PCDHGA10: variants seen among roughly 807,000 people sequenced by gnomAD.
PCDHGA10 encodes the protein protocadherin gamma subfamily A, 10, also known as protocadherin gamma-A10.
In PCDHGA10, 42 loss-of-function variants were observed where a neutral mutation model predicts 59.5. The ratio of observed to expected loss-of-function variants is 0.71; its 90% CI spans 0.55 to 0.91. The LOEUF is 0.91. Among genes scored for constraint, PCDHGA10 ranks in the 40% least tolerant of loss-of-function variants. The probability of loss-of-function intolerance (pLI) is 0.00; values close to 1 mark genes in which losing one functional copy is unlikely to be tolerated. For synonymous variants in PCDHGA10, 511 were observed against 517.2 expected (o/e 0.99, Z 0.16); for missense variants, 1,111 against 1,198.2 (o/e 0.93, Z 1.07).
chr5:141,453,204 C>T (rs1345502837), intron 1 of PCDHGA10, among the ~76,000 whole-genome samples: 1 of 152,260 alleles, frequency 6.6e-6, no homozygotes, highest in East Asian at 1.9e-4. Flanking sequence ...GCCTCAACCT[C>T]GTGCACTTAA....
In PCDHGA10 at chr5:141,432,782, C is replaced by A. The variant is rs547164205; in HGVS notation, c.2436+17171C>A. 6.2e-7 allele frequency: 1 copy of A among 1,614,164 alleles called. No homozygotes were observed. Among genetic ancestry groups the A allele is most frequent in the African/African-American group, 1.3e-5 (1 of 75,052 alleles). ...CAGCATCCCCCAAGTCCTGGCGGAC[C>A]TCGGCAGCCTCGAGTCTCCAGCTAA... On this transcript the variant is annotated intron_variant, in intron 1 of 3. Coordinates refer to ENST00000398610, the MANE Select transcript of PCDHGA10 (RefSeq NM_018913.3). This position sits in a 1 kb window ranked among gnomAD's most constrained non-coding sequence, Gnocchi z 6.0.
intron 1 of PCDHGA10, among the ~76,000 whole-genome samples, chr5:141,437,913 T>G (rs1232481433): frequency 6.6e-6 from 1 of 152,138 alleles, no homozygotes; most frequent in East Asian, 1.9e-4. Context: ...AATTTTTGTA[T>G]TTTTAGTAGA....
chr5:141,421,833 C>T (rs1364245594), intron 1 of PCDHGA10: 6 of 1,613,756 alleles, frequency 3.7e-6, no homozygotes, highest in Non-Finnish European at 4.2e-6. Flanking sequence ...GAAGCCTGGA[C>T]CGAGAGAAAG....
intron 1 of PCDHGA10, chr5:141,428,680 G>T: frequency 6.1e-6 from 1 of 162,778 alleles, no homozygotes; most frequent in Admixed American, 5.8e-5. Context: ...ATTTACAAAT[G>T]GATGAGGTTT....
In PCDHGA10 at chr5:141,415,562, CT is replaced by C; in HGVS notation, c.2390del (p.Leu797CysfsTer2). The part of the protein sequence containing the change: ...QESCEKNDPL[S>X]LLDDSKFPIE... ...AGCTGTGAGAAAAACGATCCTTTGT[CT>C]TTGTTAGATGATTCGAAGTTTCCTA... On this transcript the variant is annotated frameshift_variant, in exon 1 of 4. Transcript: ENST00000398610. LOFTEE classifies it high-confidence loss of function. The C allele has an allele frequency of 1.9e-6, 3 of 1,613,960 alleles. No homozygotes were observed. Among genetic ancestry groups the C allele is most frequent in the Non-Finnish European group, 1.7e-6 (2 of 1,180,010 alleles).
Position 141,512,270 on chromosome 5 carries a change from G to C in PCDHGA10, c.*1097G>C, listed in dbSNP as rs1188941232. On this transcript the variant is annotated 3_prime_UTR_variant, in exon 4 of 4. Transcript: ENST00000398610. ...TCTGTGGGTGCTGGGTACTCCAGAG[G>C]TGCCACTGGTGGAAGGGTCAGCGGA... 6.5e-6 allele frequency: 1 copy of C among 152,714 alleles called. No homozygotes were observed. The highest frequency in any genetic ancestry group is 2.4e-5 in the African/African-American group (1 of 41,452). The allele number at this position is 152,714 out of a possible 1,614,324, so 9.5% of individuals were successfully genotyped here. A position where few individuals can be genotyped will look rare whatever the true frequency, so the allele number is the denominator to read the frequency against.
In PCDHGA10 at chr5:141,486,757, C is replaced by A; in HGVS notation, c.2437-8050C>A. 5 of 1,614,228 alleles carry A rather than the reference C, an allele frequency of 3.1e-6. No homozygotes were observed. Among genetic ancestry groups the A allele is most frequent in the Non-Finnish European group, 4.2e-6 (5 of 1,180,036 alleles). ...CTCGATCCTTTGACTATGAGCAAAC[C>A]CAGACACTGCAGTTTGAGGTGCAGG... On this transcript the variant is annotated intron_variant, in intron 1 of 3. Coordinates refer to ENST00000398610, the MANE Select transcript of PCDHGA10 (RefSeq NM_018913.3). This position sits in a 1 kb window ranked among gnomAD's most constrained non-coding sequence, Gnocchi z 5.0.
intron 1 of PCDHGA10, among the ~76,000 whole-genome samples, chr5:141,457,029 C>G (rs2098904194): frequency 6.6e-6 from 1 of 152,170 alleles, no homozygotes; most frequent in Non-Finnish European, 1.5e-5. Flanking sequence ...TCCTAGTAGA[C>G]TCAGTGATAG....
chr5:141,480,827 A>G (rs1455065731), intron 1 of PCDHGA10, among the ~76,000 whole-genome samples: 2 of 152,212 alleles, frequency 1.3e-5, no homozygotes, highest in Admixed American at 6.5e-5. Context: ...TGGGTGGATC[A>G]TAAGATCAGG....
intron 1 of PCDHGA10, 97 bp from the exon 2 acceptor site, chr5:141,494,710 C>G: frequency 6.2e-7 from 1 of 1,600,966 alleles, no homozygotes; most frequent in Admixed American, 1.7e-5. Context: ...TCTCTGTGCC[C>G]ACTCCCCTCC....
At chr5:141,470,428 T>A (rs974038419) in intron 1 of PCDHGA10, among the ~76,000 whole-genome samples, 1 of 152,254 alleles carries the variant, frequency 6.6e-6, no homozygotes, top group Non-Finnish European at 1.5e-5. Flanking sequence ...TTTTTCCTTG[T>A]GTGCAATAAT....
chr5:141,429,377 G>T (rs1029180912), intron 1 of PCDHGA10, among the ~76,000 whole-genome samples: 1 of 149,434 alleles, frequency 6.7e-6, no homozygotes, highest in African/African-American at 2.5e-5. Context: ...GAGAAAATGT[G>T]TTTTTTTTTT....
In PCDHGA10 at chr5:141,413,270, C is replaced by T. The variant is rs2095621736; in HGVS notation, c.95C>T (p.Ala32Val). ...TTCGGGATTCCATGGGAGGCTGGAG[C>T]CCGGCAGATCTCCTACTCAATTCCT... is the stretch of plus-strand genomic sequence containing the variant. Reference protein sequence around the residue: ...LFFGIPWEAGARQISYSIPEE... With the variant: ...LFFGIPWEAGVRQISYSIPEE... Residue 32 changes from alanine to valine, a missense_variant, in exon 1 of 4, where the codon GCC becomes GTC. Ala to Val is a moderately conservative substitution (Grantham distance 64, BLOSUM62 0). Transcript: ENST00000398610. The T allele has an allele frequency of 3.1e-6, 5 of 1,613,924 alleles. No individual in the cohort carries two copies. The highest frequency in any genetic ancestry group is 4.2e-6 in the Non-Finnish European group (5 of 1,179,906).
At position 141,485,301 on chromosome 5, in the gene PCDHGA10, C is replaced by T; in HGVS notation, c.2437-9506C>T. 1 of 1,614,124 alleles carries T rather than the reference C, an allele frequency of 6.2e-7. No homozygotes were observed. The highest frequency in any genetic ancestry group is 1.1e-5 in the South Asian group (1 of 91,082). The stretch of plus-strand genomic sequence containing the variant: ...GTCCCAGAGGAGTCACAGGAAGGGA[C>T]TTTTGTAGGGAATGTCGCTCAAGAT... On this transcript the variant is annotated intron_variant, in intron 1 of 3. Coordinates refer to ENST00000398610, the MANE Select transcript of PCDHGA10 (RefSeq NM_018913.3). This position sits in a 1 kb window ranked among gnomAD's most constrained non-coding sequence, Gnocchi z 5.7.
chr5:141,433,397 A>ATCTATCTATCTG (rs2097600396), intron 1 of PCDHGA10, among the ~76,000 whole-genome samples: 2 of 150,410 alleles, frequency 1.3e-5, no homozygotes, highest in African/African-American at 2.5e-5. Flanking sequence ...CTATCTATCT[A>ATCTATCTATCTG]TCTATCTATT....
Position 141,510,938 on chromosome 5 carries a change from T to A in PCDHGA10, c.2585-9T>A. 1 of 1,614,026 alleles carries A rather than the reference T, an allele frequency of 6.2e-7. No homozygotes were observed. Among genetic ancestry groups the A allele is most frequent in the Non-Finnish European group, 8.5e-7 (1 of 1,179,984 alleles). ...TTAGCTCCCACCTGATCTTCCTCTG[T>A]CTCTGCAGAAGCTGCTGATGGGAGC... On this transcript the variant is annotated splice_polypyrimidine_tract_variant and intron_variant, in intron 3 of 3. Coordinates refer to ENST00000398610, the MANE Select transcript of PCDHGA10 (RefSeq NM_018913.3).
At position 141,487,670 on chromosome 5, in the gene PCDHGA10, T is replaced by C. The variant is rs2099658277; in HGVS notation, c.2437-7137T>C. 2 of 1,612,302 alleles carry C rather than the reference T, an allele frequency of 1.2e-6. No homozygotes were observed. Among genetic ancestry groups the C allele is most frequent in the Non-Finnish European group, 1.7e-6 (2 of 1,179,082 alleles). On this transcript the variant is annotated intron_variant, in intron 1 of 3. Transcript: ENST00000398610. The surrounding 1 kb of genome is among the most constrained non-coding windows in gnomAD (Gnocchi z 5.0). The stretch of plus-strand genomic sequence containing the variant: ...TGAGGGTTATTCTGATCCAGGCATA[T>C]GGCTAGGCCATGTCCTAGAGAGTAC...
intron 1 of PCDHGA10, among the ~76,000 whole-genome samples, chr5:141,467,931 T>C (rs771009105): frequency 1.3e-5 from 2 of 151,966 alleles, no homozygotes; most frequent in Non-Finnish European, 2.9e-5. Flanking sequence ...AATGCTAGGA[T>C]TACAAGCATG....
chr5:141,495,386 G>C (rs2099760934), intron 2 of PCDHGA10, among the ~76,000 whole-genome samples: 1 of 152,214 alleles, frequency 6.6e-6, no homozygotes, highest in Non-Finnish European at 1.5e-5. Context: ...GGACTGGGCG[G>C]GGCATGGAGC....
Sources: gnomAD v4.1 joint callset for allele counts (sites outside exome capture counted in the v4.1 genomes callset) on GRCh38, gnomAD v4.1.1 for gene constraint, Gnocchi (gnomAD v3.1) non-coding constraint, MANE v1.5 for transcripts, NCBI Gene and HGNC (gene_info 2026-07-23, HGNC 2026-07-21) for gene names.